The following GOLGA4 variants were observed in gnomAD, a reference collection of about 807,000 sequenced individuals.
The protein encoded by GOLGA4 is golgin subfamily A member 4.
In GOLGA4, 169 loss-of-function variants were observed where a neutral mutation model predicts 265.9. The ratio of observed to expected loss-of-function variants is 0.64; its 90% CI spans 0.56 to 0.72. GOLGA4 has a LOEUF of 0.72. GOLGA4 is among the 30% of genes least tolerant of loss of function. The probability of loss-of-function intolerance (pLI) is 0.00; values close to 1 mark genes in which losing one functional copy is unlikely to be tolerated. For synonymous variants in GOLGA4, 923 were observed against 855.8 expected (o/e 1.08, Z -1.37); for missense variants, 2,482 against 2,483.4 (o/e 1.00, Z 0.01).
chr3:37,363,742 C>T (rs1696525507), intron 23 of GOLGA4, among the ~76,000 whole-genome samples: 1 of 152,122 alleles, frequency 6.6e-6, no homozygotes, highest in Non-Finnish European at 1.5e-5. Context: ...GTACATAATA[C>T]TCAGTTTTTT....
chr3:37,363,276 T>C (rs1696476146), intron 23 of GOLGA4, among the ~76,000 whole-genome samples: 1 of 152,224 alleles, frequency 6.6e-6, no homozygotes, highest in South Asian at 2.1e-4. Context: ...TGAAAAACTG[T>C]AAATTCTATA....
At chr3:37,275,816 C>T (rs1578453300) in intron 2 of GOLGA4, 2 of 1,613,712 alleles carry the variant, frequency 1.2e-6, no homozygotes, top group Admixed American at 1.7e-5. Flanking sequence ...GGAATTACTG[C>T]AGTCCACAAG....
chr3:37,260,085 G>A (rs2096765212), intron 2 of GOLGA4, among the ~76,000 whole-genome samples: 1 of 150,992 alleles, frequency 6.6e-6, no homozygotes, highest in African/African-American at 2.4e-5. Context: ...GGCTTCCCTG[G>A]GCACATTGAA....
At chr3:37,335,782 C>A (rs1559451113) in intron 17 of GOLGA4, among the ~76,000 whole-genome samples, 1 of 149,664 alleles carries the variant, frequency 6.7e-6, no homozygotes, top group Non-Finnish European at 1.5e-5. Context: ...AGTCCTAATC[C>A]TTAAGTAAAA....
chr3:37,301,668 G>A (rs2096893042), intron 9 of GOLGA4, among the ~76,000 whole-genome samples: 2 of 152,160 alleles, frequency 1.3e-5, no homozygotes, highest in Admixed American at 1.3e-4. Context: ...AAAAAATACT[G>A]TTATGCTAGG....
At position 37,243,420 on chromosome 3, in the gene GOLGA4, G is replaced by T; in HGVS notation, c.-131G>T. ...TGTCCGGACTTGCCCACAGCCTCAA[G>T]GAGGAGACGGCGAGGCCCGGCCCCC... On this transcript the variant is annotated 5_prime_UTR_variant, in exon 1 of 24. It adds an upstream start codon to the 5' untranslated region. Transcript: ENST00000361924. The T allele has an allele frequency of 3.9e-6, 3 of 763,948 alleles. No homozygotes were observed. 47.3% of individuals were successfully genotyped at this position (763,948 alleles called of 1,614,324 possible).
chr3:37,298,514 C>T (rs1042877765), intron 7 of GOLGA4, among the ~76,000 whole-genome samples: 5 of 152,164 alleles, frequency 3.3e-5, no homozygotes, highest in African/African-American at 1.2e-4. Context: ...TTGTAGCCTT[C>T]AGCTGCATGA....
intron 20 of GOLGA4, among the ~76,000 whole-genome samples, chr3:37,342,316 C>T (rs149561054): frequency 2.0e-5 from 3 of 152,236 alleles, no homozygotes; most frequent in Non-Finnish European, 4.4e-5. Context: ...TGGACTCCAG[C>T]CTGGGCAACA....
At chr3:37,282,963 A>G (rs2096838787) in intron 3 of GOLGA4, among the ~76,000 whole-genome samples, 3 of 152,182 alleles carry the variant, frequency 2.0e-5, no homozygotes, top group Admixed American at 2.0e-4. Context: ...TTCTCAGGAA[A>G]GCTTTTTTGG....
chr3:37,306,759 AGTT>A (rs1559407515), intron 10 of GOLGA4, among the ~76,000 whole-genome samples: 1 of 152,052 alleles, frequency 6.6e-6, no homozygotes, highest in African/African-American at 2.4e-5. Context: ...GTGTTGCTAA[AGTT>A]AATATATTTT....
chr3:37,279,633 G>C (rs1283087817), intron 2 of GOLGA4, among the ~76,000 whole-genome samples: 1 of 152,150 alleles, frequency 6.6e-6, no homozygotes, highest in Non-Finnish European at 1.5e-5. Context: ...GAGGCCCAGC[G>C]TGTTGGCTCA....
Position 37,243,436 on chromosome 3 carries a change from C to A in GOLGA4, c.-115C>A. On this transcript the variant is annotated 5_prime_UTR_variant, in exon 1 of 24. Coordinates refer to ENST00000361924, the MANE Select transcript of GOLGA4 (RefSeq NM_002078.5). Reference sequence around the variant, plus strand: ...CAGCCTCAAGGAGGAGACGGCGAGGCCCGGCCCCCGCTGTCCCTGGTGTAA... The same window carrying A: ...CAGCCTCAAGGAGGAGACGGCGAGGACCGGCCCCCGCTGTCCCTGGTGTAA... The A allele has an allele frequency of 1.1e-6, 1 of 871,866 alleles. No homozygotes were observed. Among genetic ancestry groups the A allele is most frequent in the Non-Finnish European group, 1.9e-6 (1 of 522,872 alleles). 54.0% of individuals were successfully genotyped at this position (871,866 alleles called of 1,614,324 possible). A position where few individuals can be genotyped will look rare whatever the true frequency, so the allele number is the denominator to read the frequency against.
chr3:37,256,238 G>A (rs1380234505), intron 2 of GOLGA4, among the ~76,000 whole-genome samples: 1 of 152,088 alleles, frequency 6.6e-6, no homozygotes, highest in Admixed American at 6.5e-5. Context: ...CTGTCTTAAT[G>A]AGTATCGTTT....
intron 10 of GOLGA4, among the ~76,000 whole-genome samples, chr3:37,314,642 A>AACACACAC (rs60890140): frequency 0.095 from 13,242 of 138,928 alleles, 783 homozygotes; most frequent in Non-Finnish European, 0.14. Flanking sequence ...CTCCGTCTCA[A>AACACACAC]ACACACACAC....
intron 17 of GOLGA4, among the ~76,000 whole-genome samples, chr3:37,336,785 A>G (rs2097014637): frequency 7.0e-6 from 1 of 143,638 alleles, no homozygotes; most frequent in Admixed American, 6.7e-5. Context: ...AGAGAGAGAG[A>G]GAGAAAGAGA....
In GOLGA4 at chr3:37,282,196, T is replaced by G; in HGVS notation, c.401T>G (p.Leu134Arg). The change falls in exon 3 of 24, where the codon CTC becomes CGC. Residue 134 changes from leucine to arginine, a missense_variant. By Grantham distance (102) the Leu-to-Arg change is moderately radical. Transcript: ENST00000361924. ...AEDLVGNSDS[L>R]NKEQLIQRLR... is the part of the protein sequence containing the mutation. ...GACTTGGTAGGGAATTCAGACAGTCTCAACAAAGAACAGTTGATTCAGCGG... is the reference window on the plus strand; with the variant it reads ...GACTTGGTAGGGAATTCAGACAGTCGCAACAAAGAACAGTTGATTCAGCGG... 1 of 1,614,122 alleles carries G rather than the reference T, an allele frequency of 6.2e-7. No homozygotes were observed. Among genetic ancestry groups the G allele is most frequent in the Non-Finnish European group, 8.5e-7 (1 of 1,180,000 alleles).
intron 21 of GOLGA4, among the ~76,000 whole-genome samples, chr3:37,349,856 T>A (rs1209828843): frequency 6.6e-6 from 1 of 152,216 alleles, no homozygotes. Flanking sequence ...CGTCTGCTTT[T>A]GTACACAGTG....
At chr3:37,349,933 T>C (rs1291512403) in intron 21 of GOLGA4, among the ~76,000 whole-genome samples, 2 of 152,192 alleles carry the variant, frequency 1.3e-5, no homozygotes, top group Admixed American at 6.5e-5. Context: ...GTTCTTGTAG[T>C]ATGGAGTTAA....
At chr3:37,336,772 G>A (rs768438430) in intron 17 of GOLGA4, among the ~76,000 whole-genome samples, 36 of 150,924 alleles carry the variant, frequency 2.4e-4, no homozygotes, top group Admixed American at 1.3e-3. Context: ...AAGAAAGAGA[G>A]AAAGAGAGAG....
Sources: allele counts gnomAD v4.1 joint callset (sites outside exome capture counted in the v4.1 genomes callset), GRCh38; gene constraint gnomAD v4.1.1; transcripts MANE v1.5; gene names NCBI Gene and HGNC (gene_info 2026-07-23, HGNC 2026-07-21).